The following FRAS1 variants were observed in gnomAD, a reference collection of about 807,000 sequenced individuals.
The protein encoded by FRAS1 is extracellular matrix organizing protein FRAS1.
Under a neutral mutation model 435.2 loss-of-function variants are expected in FRAS1, and 290 were observed. The observed-to-expected ratio is 0.67, with a 90% CI of 0.61 to 0.73. The LOEUF is 0.73. Ranked by LOEUF, FRAS1 falls within the 30% of genes least tolerant of loss-of-function variation. The pLI is 0.00. For synonymous variants in FRAS1, 1,800 were observed against 1,851.0 expected, an observed-to-expected ratio of 0.97 and a Z score of 0.71; for missense variants, 4,860 against 5,001.5, an observed-to-expected ratio of 0.97 and a Z score of 0.85.
intron 61 of FRAS1, among the ~76,000 whole-genome samples, chr4:78,506,325 G>A (rs1368294085): frequency 6.6e-6 from 1 of 152,216 alleles, no homozygotes; most frequent in Non-Finnish European, 1.5e-5. Flanking sequence ...AGTTTCTGCT[G>A]GCTTTTGTTC....
At chr4:78,503,454 GT>G (rs1720738988) in intron 61 of FRAS1, among the ~76,000 whole-genome samples, 1 of 152,162 alleles carries the variant, frequency 6.6e-6, no homozygotes, top group South Asian at 2.1e-4. Flanking sequence ...GGGTGTATGT[GT>G]CCAGGAATTT....
At chr4:78,302,758 T>C (rs544701059) in intron 14 of FRAS1, among the ~76,000 whole-genome samples, 18 of 152,326 alleles carry the variant, frequency 1.2e-4, no homozygotes, top group South Asian at 8.3e-4. Flanking sequence ...TGGATATTAG[T>C]CCTTTGTCAG....
intron 13 of FRAS1, 28 bp from the exon 14 acceptor site, chr4:78,286,377 C>T (rs764009283): frequency 6.2e-7 from 1 of 1,612,424 alleles, no homozygotes; most frequent in South Asian, 1.1e-5. Flanking sequence ...TGGTTCCTTT[C>T]TCTTTCTTCA....
At chr4:78,535,350 A>G (rs1721848617) in intron 71 of FRAS1, among the ~76,000 whole-genome samples, 1 of 152,016 alleles carries the variant, frequency 6.6e-6, no homozygotes, top group African/African-American at 2.4e-5. Flanking sequence ...ATTCCATAGG[A>G]TTTGACCTCA....
intron 13 of FRAS1, among the ~76,000 whole-genome samples, chr4:78,285,803 A>G (rs1727561593): frequency 6.6e-6 from 1 of 152,172 alleles, no homozygotes; most frequent in African/African-American, 2.4e-5. Context: ...ATAAGGATCA[A>G]GTGTTTTGAT....
At chr4:78,477,771 A>C (rs1412793973) in intron 54 of FRAS1, 44 bp from the exon 55 acceptor site, 31 of 1,583,628 alleles carry the variant, frequency 2.0e-5, no homozygotes, top group Non-Finnish European at 2.5e-5. Context: ...AGAGCAGGGG[A>C]AGCTGAGGCA....
chr4:78,337,530 G>A, intron 19 of FRAS1, 144 bp from the exon 20 acceptor site: 1 of 903,838 alleles, frequency 1.1e-6, no homozygotes, highest in Non-Finnish European at 1.7e-6. Flanking sequence ...AGGTCCAAGG[G>A]TGTGCCCGGC....
At chr4:78,096,083 G>T (rs1422292066) in intron 2 of FRAS1, among the ~76,000 whole-genome samples, 1 of 152,154 alleles carries the variant, frequency 6.6e-6, no homozygotes, top group African/African-American at 2.4e-5. Flanking sequence ...ACAGGCATTG[G>T]GTAAATACAG....
In FRAS1 at chr4:78,115,893, G is replaced by C. The variant is rs1374194343; in HGVS notation, c.108+49877G>C. ...CTAGCTTTTGAGTGTATTTTCTCTT[G>C]CTTCTCTAGTTGTTTTAATTGTGAT... is the stretch of plus-strand genomic sequence containing the variant. On this transcript the variant is annotated intron_variant, in intron 2 of 73. Coordinates refer to ENST00000512123, the MANE Select transcript of FRAS1 (RefSeq NM_025074.7). Among the ~76,000 whole-genome samples, 3 of 151,438 alleles carry C rather than the reference G, an allele frequency of 2.0e-5. No individual in the cohort carries two copies. In the East Asian group the frequency reaches 5.8e-4, roughly 29 times the overall value.
At chr4:78,411,108 A>T (rs1368491248) in intron 31 of FRAS1, among the ~76,000 whole-genome samples, 10 of 142,896 alleles carry the variant, frequency 7.0e-5, no homozygotes, top group Admixed American at 1.4e-4. Context: ...AGTTGCATGG[A>T]TTTTTTTTCT....
intron 27 of FRAS1, among the ~76,000 whole-genome samples, chr4:78,380,622 CT>C (rs1731976974): frequency 1.3e-5 from 2 of 152,218 alleles, no homozygotes; most frequent in Admixed American, 1.3e-4. Context: ...GGTAAATCTA[CT>C]CCACAGAAGT....
intron 2 of FRAS1, among the ~76,000 whole-genome samples, chr4:78,128,670 G>A (rs963627073): frequency 6.6e-6 from 1 of 152,158 alleles, no homozygotes; most frequent in Non-Finnish European, 1.5e-5. Flanking sequence ...TGTCAGATGA[G>A]TAGATTGCAA....
chr4:78,455,426 G>GA (rs947390483), intron 47 of FRAS1, among the ~76,000 whole-genome samples: 9 of 150,054 alleles, frequency 6.0e-5, no homozygotes, highest in African/African-American at 2.2e-4. Context: ...GAGGAGGGAG[G>GA]GGGTTCTGTT....
At chr4:78,405,666 T>A (rs1733071150) in intron 30 of FRAS1, among the ~76,000 whole-genome samples, 1 of 152,200 alleles carries the variant, frequency 6.6e-6, no homozygotes, top group East Asian at 1.9e-4. Flanking sequence ...ATGTCTAGTG[T>A]CTAGTGTATT....
intron 2 of FRAS1, among the ~76,000 whole-genome samples, chr4:78,209,144 A>G (rs1212891868): frequency 6.6e-6 from 1 of 151,348 alleles, no homozygotes; most frequent in African/African-American, 2.4e-5. Flanking sequence ...GACCCCATGT[A>G]AAAAAAACAA....
At chr4:78,501,325 C>T (rs971293650) in intron 61 of FRAS1, among the ~76,000 whole-genome samples, 1 of 152,200 alleles carries the variant, frequency 6.6e-6, no homozygotes, top group Non-Finnish European at 1.5e-5. Flanking sequence ...CATAGCATTC[C>T]ATGGTATATA....
intron 6 of FRAS1, among the ~76,000 whole-genome samples, chr4:78,256,330 C>T (rs1388667684): frequency 6.6e-6 from 1 of 152,226 alleles, no homozygotes; most frequent in Non-Finnish European, 1.5e-5. Context: ...CATATCCTTG[C>T]TTTAAGATGG....
chr4:78,343,742 A>G (rs564380966), intron 20 of FRAS1, among the ~76,000 whole-genome samples: 94 of 152,232 alleles, frequency 6.2e-4, no homozygotes, highest in African/African-American at 2.1e-3. Flanking sequence ...AACAGGGGGG[A>G]AAACCCAGTT....
intron 14 of FRAS1, among the ~76,000 whole-genome samples, chr4:78,304,835 G>A (rs1728619104): frequency 6.6e-6 from 1 of 150,402 alleles, no homozygotes; most frequent in African/African-American, 2.4e-5. Context: ...TTAATTTTTT[G>A]AAGGGTTTTT....
Sources: allele counts gnomAD v4.1 joint callset (sites outside exome capture counted in the v4.1 genomes callset), GRCh38; gene constraint gnomAD v4.1.1; transcripts MANE v1.5; gene names NCBI Gene and HGNC (gene_info 2026-07-23, HGNC 2026-07-21).